PRDM16: variants seen among roughly 807,000 people sequenced by gnomAD.
The protein encoded by PRDM16 is PR/SET domain 16.
Under a neutral mutation model 110.6 loss-of-function variants are expected in PRDM16, and 23 were observed. The ratio of observed to expected loss-of-function variants is 0.21; its 90% CI spans 0.15 to 0.29. The LOEUF (loss-of-function observed/expected upper bound fraction) is 0.29, where lower values mean the gene tolerates loss of function less well. Ranked by LOEUF, PRDM16 falls within the 10% of genes least tolerant of loss-of-function variation. The pLI, the probability that PRDM16 is intolerant of heterozygous loss-of-function variation, is 1.00. For synonymous variants in PRDM16, 799 were observed against 781.8 expected (o/e 1.02, Z -0.37); for missense variants, 1,615 against 1,794.3 (o/e 0.90, Z 1.81).
intron 2 of PRDM16, among the ~76,000 whole-genome samples, chr1:3,222,158 G>A (rs1289226046): frequency 6.6e-6 from 1 of 152,188 alleles, no homozygotes; most frequent in East Asian, 1.9e-4. Flanking sequence ...GTGACCTTGA[G>A]CTCAGGTCCC....
rs111983484 is a variant in PRDM16 at position 3,164,092 on chromosome 1, G to A, written c.38-22033G>A. Among the ~76,000 whole-genome samples, 273 of 152,318 alleles carry A rather than the reference G, an allele frequency of 1.8e-3. 2 individuals are homozygous for A. The highest frequency in any genetic ancestry group is 6.4e-3 in the African/African-American group (264 of 41,572). ...TGAATCTGGGCCACTGGCCCGCTGCGCCCTGAAGCCTGTGTCGTCCATCAA... is the reference window on the plus strand; with the variant it reads ...TGAATCTGGGCCACTGGCCCGCTGCACCCTGAAGCCTGTGTCGTCCATCAA... On this transcript the variant is annotated intron_variant, in intron 1 of 16. Coordinates refer to ENST00000270722, the MANE Select transcript of PRDM16 (RefSeq NM_022114.4).
chr1:3,235,608 C>G (rs1256112833), intron 2 of PRDM16, among the ~76,000 whole-genome samples: 1 of 152,190 alleles, frequency 6.6e-6, no homozygotes, highest in Non-Finnish European at 1.5e-5. Context: ...GTCCCCACAC[C>G]AGGTCACCCC....
At chr1:3,118,832 G>A (rs1643027298) in intron 1 of PRDM16, among the ~76,000 whole-genome samples, 1 of 152,236 alleles carries the variant, frequency 6.6e-6, no homozygotes, top group Non-Finnish European at 1.5e-5. Flanking sequence ...CGCTGTGTGT[G>A]CACTTGCAGG....
intron 3 of PRDM16, among the ~76,000 whole-genome samples, chr1:3,271,276 C>T (rs1302770297): frequency 6.6e-6 from 1 of 152,196 alleles, no homozygotes; most frequent in Non-Finnish European, 1.5e-5. Context: ...CACAGCTAAA[C>T]AGAGCCTGGC....
At chr1:3,395,795 G>C (rs1643376904) in intron 4 of PRDM16, among the ~76,000 whole-genome samples, 1 of 152,244 alleles carries the variant, frequency 6.6e-6, no homozygotes, top group Non-Finnish European at 1.5e-5. Context: ...CAACAGCACT[G>C]CTCAGTGAGC....
At chr1:3,230,393 G>A (rs1639379532) in intron 2 of PRDM16, among the ~76,000 whole-genome samples, 1 of 152,224 alleles carries the variant, frequency 6.6e-6, no homozygotes. Flanking sequence ...CAGACAAGAA[G>A]CTCAGTTAGC....
intron 1 of PRDM16, among the ~76,000 whole-genome samples, chr1:3,093,588 G>A (rs1351197905): frequency 2.6e-5 from 4 of 152,268 alleles, no homozygotes; most frequent in African/African-American, 4.8e-5. Context: ...TGAAGGCTGA[G>A]GTCGCAGTGC....
At chr1:3,182,920 C>T (rs1018199292) in intron 1 of PRDM16, among the ~76,000 whole-genome samples, 2 of 152,180 alleles carry the variant, frequency 1.3e-5, no homozygotes, top group Admixed American at 6.5e-5. Context: ...TCTTCCCTCC[C>T]GAGCTCCCTG....
intron 3 of PRDM16, among the ~76,000 whole-genome samples, chr1:3,320,022 A>T (rs1253908697): frequency 1.3e-5 from 2 of 152,168 alleles, no homozygotes; most frequent in Non-Finnish European, 2.9e-5. Flanking sequence ...CATTCCCTAG[A>T]AAACAGTGCC....
At chr1:3,328,913 C>T (rs1004864936) in intron 3 of PRDM16, among the ~76,000 whole-genome samples, 9 of 152,162 alleles carry the variant, frequency 5.9e-5, no homozygotes, top group African/African-American at 2.2e-4. Context: ...GACCGTGAAG[C>T]CCAGCATCCA....
At chr1:3,186,905 C>T (rs1032508012) in intron 2 of PRDM16, among the ~76,000 whole-genome samples, 1 of 152,182 alleles carries the variant, frequency 6.6e-6, no homozygotes, top group Non-Finnish European at 1.5e-5. Flanking sequence ...CACGCTGCCC[C>T]GGCTGCCGTC....
chr1:3,151,569 CT>C (rs1643775761), intron 1 of PRDM16, among the ~76,000 whole-genome samples: 1 of 152,228 alleles, frequency 6.6e-6, no homozygotes, highest in African/African-American at 2.4e-5. Context: ...TGAGATTTAC[CT>C]GATTCCTAGG....
chr1:3,229,612 C>T (rs983915598), intron 2 of PRDM16, among the ~76,000 whole-genome samples: 2 of 152,202 alleles, frequency 1.3e-5, no homozygotes, highest in Non-Finnish European at 2.9e-5. Context: ...GATCGGATCC[C>T]AGTCCCACCC....
Position 3,069,205 on chromosome 1 carries a change from T to G in PRDM16, c.-55T>G, listed in dbSNP as rs1428238475. On this transcript the variant is annotated 5_prime_UTR_variant, in exon 1 of 17. Coordinates refer to ENST00000270722, the MANE Select transcript of PRDM16 (RefSeq NM_022114.4). This position sits in a 1 kb window ranked among gnomAD's most constrained non-coding sequence, Gnocchi z 6.1. ...GACAATGCTGGGGAGATGAAGATAG[T>G]GTGTGGCTGCTTCTGGACTCAAGGA... is the stretch of plus-strand genomic sequence containing the variant. The G allele has an allele frequency of 6.6e-7, 1 of 1,505,470 alleles. No individual in the cohort carries two copies. Among genetic ancestry groups the G allele is most frequent in the Non-Finnish European group, 9.1e-7 (1 of 1,097,736 alleles). The allele number at this position is 1,505,470 out of a possible 1,614,324, so 93.3% of individuals were successfully genotyped here.
chr1:3,143,834 G>A lies in PRDM16; in HGVS notation c.38-42291G>A, dbSNP rs1239877739. On this transcript the variant is annotated intron_variant, in intron 1 of 16. Coordinates refer to ENST00000270722, the MANE Select transcript of PRDM16 (RefSeq NM_022114.4). The surrounding 1 kb of genome is among the most constrained non-coding windows in gnomAD (Gnocchi z 4.5). ...TGCAGGTGTGTGTCACACACCTCTG[G>A]TCTGCAGCCCCTGGGAGCTGAGGCC... is the stretch of plus-strand genomic sequence containing the variant. 6.6e-6 allele frequency among the ~76,000 whole-genome samples: 1 copy of A among 152,170 alleles called. No homozygotes were observed. Among genetic ancestry groups the A allele is most frequent in the Non-Finnish European group, 1.5e-5 (1 of 68,020 alleles).
At chr1:3,308,734 C>T (rs1024630228) in intron 3 of PRDM16, 3 of 152,234 alleles carry the variant, frequency 2.0e-5, no homozygotes, top group Non-Finnish European at 4.4e-5. Flanking sequence ...TTCTGGGTTT[C>T]GCCCAGTGAG....
rs149797895 is a variant in PRDM16, at chr1:3,107,937, C to T, written c.37+38641C>T. Among the ~76,000 whole-genome samples the T allele has an allele frequency of 8.4e-3, 1,286 of 152,350 alleles. 15 individuals are homozygous for T. The highest frequency in any genetic ancestry group is 0.022 in the African/African-American group (907 of 41,580). On this transcript the variant is annotated intron_variant, in intron 1 of 16. Coordinates refer to ENST00000270722, the MANE Select transcript of PRDM16 (RefSeq NM_022114.4). ...AAGGTAAATGCTGTGCAACCCCTGC[C>T]GGGGAGGGGGGCTGAATTGTCAGGG...
At chr1:3,239,876 G>A (rs1200300767) in intron 2 of PRDM16, among the ~76,000 whole-genome samples, 1 of 152,052 alleles carries the variant, frequency 6.6e-6, no homozygotes, top group African/African-American at 2.4e-5. Context: ...CCTGAGCCCA[G>A]GAGGTCGAGG....
At chr1:3,163,450 C>G (rs1643916063) in intron 1 of PRDM16, among the ~76,000 whole-genome samples, 1 of 152,192 alleles carries the variant, frequency 6.6e-6, no homozygotes, top group Non-Finnish European at 1.5e-5. Context: ...GTGAGCACCT[C>G]TGACGGTCCA....
Sources: gnomAD v4.1 joint callset for allele counts (sites outside exome capture counted in the v4.1 genomes callset) on GRCh38, gnomAD v4.1.1 for gene constraint, Gnocchi (gnomAD v3.1) non-coding constraint, MANE v1.5 for transcripts, NCBI Gene and HGNC (gene_info 2026-07-23, HGNC 2026-07-21) for gene names.